Variants in CACNB2 observed in about 807,000 individuals in gnomAD.
CACNB2 encodes voltage-dependent L-type calcium channel subunit beta-2.
A neutral mutation model predicts 73.3 loss-of-function variants in CACNB2; 42 were observed. The observed-to-expected ratio is 0.57, with a 90% CI of 0.45 to 0.74. The LOEUF (loss-of-function observed/expected upper bound fraction) is 0.74, where lower values mean the gene tolerates loss of function less well. Among genes scored for constraint, CACNB2 ranks in the 30% least tolerant of loss-of-function variants. The probability of loss-of-function intolerance (pLI) is 0.00; values close to 1 mark genes in which losing one functional copy is unlikely to be tolerated. For missense variants in CACNB2, 940 were observed against 853.0 expected (o/e 1.10, Z -1.27); for synonymous variants, 348 against 310.3 (o/e 1.12, Z -1.28).
intron 2 of CACNB2, among the ~76,000 whole-genome samples, chr10:18,328,522 A>G (rs905640258): frequency 6.6e-6 from 1 of 152,356 alleles, no homozygotes; most frequent in East Asian, 1.9e-4. Flanking sequence ...ATTATACTTA[A>G]GTATAAATAT....
Position 18,451,327 on chromosome 10 carries a change from A to C in CACNB2, c.334-47028A>C, listed in dbSNP as rs1296745440. ...CAATTTTAAGAAGAGATTTAGAAGC[A>C]TAGTGGTGTGTCTCGGGTTCCTGGA... On this transcript the variant is annotated intron_variant, in intron 3 of 13. Coordinates refer to ENST00000324631, the MANE Select transcript of CACNB2 (RefSeq NM_201596.3). 2.0e-5 allele frequency among the ~76,000 whole-genome samples: 3 copies of C among 152,342 alleles called. No individual in the cohort carries two copies. The East Asian group carries it at 5.8e-4, about 29-fold the overall frequency.
chr10:18,159,614 T>G (rs959235338), intron 2 of CACNB2, among the ~76,000 whole-genome samples: 1 of 152,240 alleles, frequency 6.6e-6, no homozygotes, highest in African/African-American at 2.4e-5. Context: ...TACCTTGTTC[T>G]TGGTGCTGCA....
chr10:18,479,415 C>G (rs11014432), intron 3 of CACNB2, among the ~76,000 whole-genome samples: 3,865 of 151,838 alleles, frequency 0.025, 67 homozygotes, highest in Non-Finnish European at 0.041. Context: ...TTTTGAGAAC[C>G]ATAAAAAAAA....
intron 6 of CACNB2, among the ~76,000 whole-genome samples, chr10:18,512,224 C>T (rs1216182478): frequency 6.6e-6 from 1 of 152,182 alleles, no homozygotes; most frequent in African/African-American, 2.4e-5. Context: ...CTTGGGTCCT[C>T]GTGCCCTTCC....
intron 2 of CACNB2, among the ~76,000 whole-genome samples, chr10:18,249,016 G>A (rs112561434): frequency 1.8e-4 from 27 of 151,982 alleles, no homozygotes; most frequent in African/African-American, 6.3e-4. Flanking sequence ...CTGTTTTCCT[G>A]GCCAGTCCAC....
chr10:18,155,959 A>G lies in CACNB2; in HGVS notation c.213+4984A>G, dbSNP rs146678665. 4.0e-3 allele frequency among the ~76,000 whole-genome samples: 603 copies of G among 151,872 alleles called. 3 individuals carry two copies. Among genetic ancestry groups the G allele is most frequent in the African/African-American group, 0.014 (580 of 41,434 alleles). ...ATACATACCATATATATCACATTAT[A>G]TACATGAAAGGTTTTATCAGAGCAT... On this transcript the variant is annotated intron_variant, in intron 2 of 13. Coordinates refer to ENST00000324631, the MANE Select transcript of CACNB2 (RefSeq NM_201596.3).
chr10:18,432,167 A>G (rs550274337), intron 3 of CACNB2, among the ~76,000 whole-genome samples: 2 of 152,342 alleles, frequency 1.3e-5, no homozygotes, highest in Admixed American at 1.3e-4. Context: ...TAATTATCCA[A>G]AATGTCAAGC....
At chr10:18,362,660 G>T (rs1265274011) in intron 2 of CACNB2, among the ~76,000 whole-genome samples, 4 of 152,158 alleles carry the variant, frequency 2.6e-5, no homozygotes, top group African/African-American at 9.7e-5. Context: ...GCATGTAGAG[G>T]CTGGGCGCCG....
intron 3 of CACNB2, among the ~76,000 whole-genome samples, chr10:18,431,438 GCCTT>G (rs1380067517): frequency 7.1e-4 from 108 of 152,120 alleles, no homozygotes; most frequent in African/African-American, 2.5e-3. Context: ...AAAATCTATT[GCCTT>G]TTCCTGTGGT....
chr10:18,149,470 T>G (rs1564295046), intron 1 of CACNB2, among the ~76,000 whole-genome samples: 2 of 152,188 alleles, frequency 1.3e-5, no homozygotes, highest in Non-Finnish European at 2.9e-5. Flanking sequence ...ATTATATAAA[T>G]CCCTTAGATA....
intron 2 of CACNB2, among the ~76,000 whole-genome samples, chr10:18,276,739 C>T (rs576500320): frequency 2.6e-5 from 4 of 152,262 alleles, no homozygotes; most frequent in African/African-American, 4.8e-5. Flanking sequence ...CCACCACACC[C>T]GGCTAATTTT....
chr10:18,493,360 G>C lies in CACNB2; in HGVS notation c.334-4995G>C, dbSNP rs549956545. 1.6e-4 allele frequency among the ~76,000 whole-genome samples: 25 copies of C among 152,264 alleles called. 1 individual carries two copies. The East Asian group carries it at 3.5e-3, about 21-fold the overall frequency. ...TTTTTGTATTTTTAGTAGAGACGTG[G>C]TTTCTCCATGTTGGTCAGGCTGGTC... On this transcript the variant is annotated intron_variant, in intron 3 of 13. Coordinates refer to ENST00000324631, the MANE Select transcript of CACNB2 (RefSeq NM_201596.3).
intron 3 of CACNB2, among the ~76,000 whole-genome samples, chr10:18,478,453 T>TATAC (rs2048551271): frequency 6.6e-6 from 1 of 152,186 alleles, no homozygotes; most frequent in Non-Finnish European, 1.5e-5. Flanking sequence ...TATAGAATGG[T>TATAC]GGTGTCACCA....
rs148485469 is a variant in CACNB2, at chr10:18,511,432, T to C, written c.671-2804T>C. On this transcript the variant is annotated intron_variant, in intron 6 of 13. Transcript: ENST00000324631. The stretch of plus-strand genomic sequence containing the variant: ...ACAACTTCAAAACTGAAAAATAATG[T>C]AATGCCTGTCAGATGATCTTCCATC... 1.1e-4 allele frequency among the ~76,000 whole-genome samples: 16 copies of C among 152,306 alleles called. No homozygotes were observed. The East Asian group carries it at 2.5e-3, about 24-fold the overall frequency.
rs1298208759 is a variant in CACNB2, at chr10:18,326,817, T to A, written c.214-75107T>A. ...TCAGGGCTCACTGCAGACTTGACCT[T>A]CTGGGCTCAAGCAATCCTCCCGCTT... On this transcript the variant is annotated intron_variant, in intron 2 of 13. Coordinates refer to ENST00000324631, the MANE Select transcript of CACNB2 (RefSeq NM_201596.3). 2.0e-5 allele frequency among the ~76,000 whole-genome samples: 3 copies of A among 152,098 alleles called. No homozygotes were observed. In the East Asian group the frequency reaches 5.8e-4, roughly 29 times the overall value.
chr10:18,147,806 T>TC (rs1392609256), intron 1 of CACNB2, among the ~76,000 whole-genome samples: 5 of 152,100 alleles, frequency 3.3e-5, no homozygotes, highest in South Asian at 4.1e-4. Flanking sequence ...TTCACTTTTT[T>TC]CCCCCCTTAA....
chr10:18,308,297 A>C (rs1487843188), intron 2 of CACNB2, among the ~76,000 whole-genome samples: 1 of 152,088 alleles, frequency 6.6e-6, no homozygotes, highest in Admixed American at 6.6e-5. Flanking sequence ...CCCAAGCTTT[A>C]CCAACATTTT....
chr10:18,216,847 C>T (rs1011119102), intron 2 of CACNB2, among the ~76,000 whole-genome samples: 3 of 152,164 alleles, frequency 2.0e-5, no homozygotes, highest in Non-Finnish European at 4.4e-5. Flanking sequence ...TTGAGTTATA[C>T]ATTTCTGCCC....
chr10:18,514,850 T>C, intron 7 of CACNB2: 1 of 736,882 alleles, frequency 1.4e-6, no homozygotes, highest in Non-Finnish European at 2.4e-6. Context: ...ATCCAGAAAT[T>C]TAACTTATGA....
Sources: gnomAD v4.1 joint callset for allele counts (sites outside exome capture counted in the v4.1 genomes callset) on GRCh38, gnomAD v4.1.1 for gene constraint, MANE v1.5 for transcripts, NCBI Gene and HGNC (gene_info 2026-07-23, HGNC 2026-07-21) for gene names.